The following C7 variants were observed in gnomAD, a reference collection of about 807,000 sequenced individuals.
C7 encodes the protein complement C7.
A neutral mutation model predicts 104.8 loss-of-function variants in C7; 83 were observed. The observed-to-expected ratio is 0.79, with a 90% CI of 0.66 to 0.95. The LOEUF is 0.95. Ranked by LOEUF, C7 falls within the 40% of genes least tolerant of loss-of-function variation. The probability of loss-of-function intolerance (pLI) is 0.00; values close to 1 mark genes in which losing one functional copy is unlikely to be tolerated. For synonymous variants in C7, 415 were observed against 360.6 expected (o/e 1.15, Z -1.71); for missense variants, 1,070 against 1,011.2 (o/e 1.06, Z -0.79).
rs888073484 is a variant in C7 at position 40,983,316 on chromosome 5, T to C, written c.*1743T>C. ...TTTCTCCTCTTAGCTTAAGCTAGTA[T>C]GGAGTTAGATTCCTACCGCTTATGT... On this transcript the variant is annotated 3_prime_UTR_variant, in exon 18 of 18. Transcript: ENST00000313164. Among the ~76,000 whole-genome samples the C allele has an allele frequency of 9.9e-5, 15 of 152,224 alleles. No homozygotes were observed. The highest frequency in any genetic ancestry group is 3.4e-4 in the African/African-American group (14 of 41,468).
chr5:40,965,887 C>T (rs1367137531), intron 14 of C7, among the ~76,000 whole-genome samples: 1 of 151,730 alleles, frequency 6.6e-6, no homozygotes, highest in Non-Finnish European at 1.5e-5. Context: ...AGGCAATCCA[C>T]CCATCTTGGC....
chr5:40,928,943 G>T lies in C7; in HGVS notation c.62+308G>T, dbSNP rs570309683. 1.7e-3 allele frequency among the ~76,000 whole-genome samples: 258 copies of T among 152,182 alleles called. 1 individual carries two copies. The Middle Eastern group carries it at 0.017, about 10-fold the overall frequency. On this transcript the variant is annotated intron_variant, in intron 2 of 17. Transcript: ENST00000313164. ...AATCACAGTGGACTTATATATCTTA[G>T]AGCAATATTTGATCTTTAAATGTAA...
At chr5:40,943,561 AT>A (rs200070748) in intron 6 of C7, among the ~76,000 whole-genome samples, 23,918 of 144,028 alleles carry the variant, frequency 0.17, 1,836 homozygotes, top group South Asian at 0.18. Context: ...AAATAGGCTA[AT>A]TTTTTTTTTT....
At chr5:40,952,211 C>T (rs1740185392) in intron 9 of C7, among the ~76,000 whole-genome samples, 2 of 152,192 alleles carry the variant, frequency 1.3e-5, no homozygotes, top group Admixed American at 1.3e-4. Flanking sequence ...CAGTGTAGTC[C>T]TCCTACCTAT....
At chr5:40,963,285 G>C (rs1740460179) in intron 13 of C7, among the ~76,000 whole-genome samples, 1 of 152,188 alleles carries the variant, frequency 6.6e-6, no homozygotes, top group South Asian at 2.1e-4. Flanking sequence ...TGATTTGATA[G>C]TTTGGGAGTA....
At chr5:40,978,142 A>G (rs946748621) in intron 16 of C7, among the ~76,000 whole-genome samples, 4 of 25,856 alleles carry the variant, frequency 1.5e-4, no homozygotes, top group African/African-American at 3.8e-4. Context: ...CTCAAAAAGA[A>G]AAAAAAAAAA....
chr5:40,980,506 T>A (rs1740919701), intron 17 of C7, among the ~76,000 whole-genome samples: 1 of 152,234 alleles, frequency 6.6e-6, no homozygotes, highest in Non-Finnish European at 1.5e-5. Context: ...CTTTCTCACG[T>A]TGTGATTCAA....
In C7 at chr5:40,937,535, C is replaced by T. The variant is rs554742417; in HGVS notation, c.429-17C>T. The stretch of plus-strand genomic sequence containing the variant: ...CGGCTTTTTATTTCCTCCTTCTCCT[C>T]CTCCTCCTTTTAACAGTTACAATGA... On this transcript the variant is annotated splice_polypyrimidine_tract_variant and intron_variant, in intron 5 of 17. Transcript: ENST00000313164. The T allele has an allele frequency of 3.0e-5, 48 of 1,580,106 alleles. No homozygotes were observed. The South Asian group carries it at 5.0e-4, about 16-fold the overall frequency.
At chr5:40,918,356 CA>C (rs1041501239) in intron 1 of C7, among the ~76,000 whole-genome samples, 14 of 149,266 alleles carry the variant, frequency 9.4e-5, no homozygotes, top group East Asian at 7.9e-4. Context: ...GCCCTATCTC[CA>C]AAAAAAAAGT....
intron 3 of C7, among the ~76,000 whole-genome samples, chr5:40,933,570 G>A (rs1213489453): frequency 6.6e-6 from 1 of 152,106 alleles, no homozygotes; most frequent in Non-Finnish European, 1.5e-5. Flanking sequence ...TCCCTCAAGA[G>A]GTTTGTATTT....
chr5:40,931,431 G>C (rs114328572), intron 3 of C7, among the ~76,000 whole-genome samples: 1,634 of 152,296 alleles, frequency 0.011, 38 homozygotes, highest in African/African-American at 0.038. Flanking sequence ...CTTTAACTAT[G>C]AGAGAAATAG....
chr5:40,950,031 C>T lies in C7; in HGVS notation c.1093+17C>T, dbSNP rs755472825. On this transcript the variant is annotated intron_variant, in intron 9 of 17. Transcript: ENST00000313164. Reference sequence around the variant, plus strand: ...CTGCTTCAGGTAAATGGAAAAAGAGCAGTTTGCATTGCAAGCTTAACTTCT... The same window carrying T: ...CTGCTTCAGGTAAATGGAAAAAGAGTAGTTTGCATTGCAAGCTTAACTTCT... The T allele has an allele frequency of 2.1e-6, 3 of 1,415,974 alleles. No individual in the cohort carries two copies. The highest frequency in any genetic ancestry group is 2.5e-5 in the South Asian group (2 of 78,942). The allele number at this position is 1,415,974 out of a possible 1,614,324, so 87.7% of individuals were successfully genotyped here.
chr5:40,927,742 TATC>T (rs1414273069), intron 1 of C7, among the ~76,000 whole-genome samples: 1 of 152,238 alleles, frequency 6.6e-6, no homozygotes, highest in South Asian at 2.1e-4. Context: ...CACATTGAGT[TATC>T]ATCTCACACC....
chr5:40,934,418 G>C lies in C7; in HGVS notation c.232G>C (p.Gly78Arg). 1 of 1,613,764 alleles carries C rather than the reference G, an allele frequency of 6.2e-7. No individual in the cohort carries two copies. ...FETQSCEPTR[G>R]CPTEEGCGER... The stretch of plus-strand genomic sequence containing the variant: ...AACACAGTCCTGTGAACCTACAAGA[G>C]GATGTCCAACAGAGGAGGGATGTGG... The change falls in exon 4 of 18, where the codon GGA becomes CGA. Residue 78 changes from glycine to arginine, a missense_variant. Physicochemically the swap from Gly to Arg is moderately radical, Grantham distance 125. Coordinates refer to ENST00000313164, the MANE Select transcript of C7 (RefSeq NM_000587.4).
intron 1 of C7, among the ~76,000 whole-genome samples, chr5:40,922,097 C>T (rs997722245): frequency 1.3e-5 from 2 of 151,226 alleles, no homozygotes; most frequent in Non-Finnish European, 3.0e-5. Context: ...ACATTGGAGG[C>T]CATGTGCAGT....
At chr5:40,943,316 T>A (rs1020723582) in intron 6 of C7, among the ~76,000 whole-genome samples, 3 of 152,040 alleles carry the variant, frequency 2.0e-5, no homozygotes, top group Non-Finnish European at 4.4e-5. Context: ...GAATAAGAGA[T>A]GTTAGAATAT....
chr5:40,923,778 A>G (rs1489378290), intron 1 of C7, among the ~76,000 whole-genome samples: 1 of 151,910 alleles, frequency 6.6e-6, no homozygotes, highest in Non-Finnish European at 1.5e-5. Context: ...GAGGGGGAAA[A>G]TGTCATGCAC....
intron 16 of C7, among the ~76,000 whole-genome samples, chr5:40,978,721 T>G (rs1016185587): frequency 6.6e-6 from 1 of 152,174 alleles, no homozygotes; most frequent in African/African-American, 2.4e-5. Context: ...ACAAAAATGC[T>G]GTGTTGTCTA....
At chr5:40,975,754 A>T (rs985739312) in intron 15 of C7, among the ~76,000 whole-genome samples, 30 of 152,190 alleles carry the variant, frequency 2.0e-4, no homozygotes, top group Non-Finnish European at 3.2e-4. Context: ...CAGGTTTATG[A>T]ATGCTCACAA....
Sources: allele counts gnomAD v4.1 joint callset (sites outside exome capture counted in the v4.1 genomes callset), GRCh38; gene constraint gnomAD v4.1.1; transcripts MANE v1.5; gene names NCBI Gene and HGNC (gene_info 2026-07-23, HGNC 2026-07-21).